DST: variants seen among roughly 807,000 people sequenced by gnomAD.
The protein encoded by DST is dystonin, also known as bullous pemphigoid antigen.
DST carries 253 observed loss-of-function variants against 875.2 expected under a neutral mutation model. The observed-to-expected ratio is 0.29, with a 90% CI of 0.26 to 0.32. The LOEUF is 0.32. Among genes scored for constraint, DST ranks in the 10% least tolerant of loss-of-function variants. The pLI is 1.00. For synonymous variants in DST, 3,124 were observed against 3,197.1 expected, an observed-to-expected ratio of 0.98 and a Z score of 0.77; for missense variants, 8,287 against 9,111.6, an observed-to-expected ratio of 0.91 and a Z score of 3.68.
rs1381176409 is a variant in DST at position 56,632,912 on chromosome 6, T to C, written c.3747A>G (p.Glu1249=). The change falls in exon 28 of 104, where the codon GAA becomes GAG. Residue 1249 remains glutamate (E), a synonymous_variant. Coordinates refer to ENST00000680361, the MANE Select transcript of DST (RefSeq NM_001374736.1). ...VFSGSDITQL[E]KEVNVCKQYY... Reference sequence around the variant, plus strand: ...ACTGCTTACATACATTAACCTCCTTTTCCAGTTGTGTTATATCTGAGCCTG... The same window carrying C: ...ACTGCTTACATACATTAACCTCCTTCTCCAGTTGTGTTATATCTGAGCCTG... 3 of 1,613,906 alleles carry C rather than the reference T, an allele frequency of 1.9e-6. No homozygotes were observed. Among genetic ancestry groups the C allele is most frequent in the Non-Finnish European group, 1.7e-6 (2 of 1,179,980 alleles).
chr6:56,636,552 C>A lies in DST; in HGVS notation c.3060+5G>T. 1 of 1,611,100 alleles carries A rather than the reference C, an allele frequency of 6.2e-7. No homozygotes were observed. The highest frequency in any genetic ancestry group is 2.2e-5 in the East Asian group (1 of 44,866). ...TCTATTGAAGTTATGATTCTACTCACATACCTCGAAATACGCTGTGTTCTC... is the reference window on the plus strand; with the variant it reads ...TCTATTGAAGTTATGATTCTACTCAAATACCTCGAAATACGCTGTGTTCTC... On this transcript the variant is annotated splice_donor_5th_base_variant and intron_variant, in intron 23 of 103. Transcript: ENST00000680361.
intron 4 of DST, among the ~76,000 whole-genome samples, chr6:56,738,310 G>A (rs2152933383): frequency 6.6e-6 from 1 of 152,246 alleles, no homozygotes; most frequent in African/African-American, 2.4e-5. Flanking sequence ...GAATATAAAT[G>A]CTCAGAATTT....
chr6:56,516,199 G>C (rs1294712518), intron 71 of DST, among the ~76,000 whole-genome samples: 2 of 151,586 alleles, frequency 1.3e-5, no homozygotes, highest in African/African-American at 2.4e-5. Flanking sequence ...GAAAGAGAAG[G>C]AGAAAGAGAA....
intron 4 of DST, among the ~76,000 whole-genome samples, chr6:56,744,713 C>CA (rs2099567238): frequency 6.6e-6 from 1 of 152,076 alleles, no homozygotes; most frequent in South Asian, 2.1e-4. Context: ...AGCTCACACC[C>CA]AATCATCAGC....
At chr6:56,565,045 A>G (rs764244592) in intron 55 of DST, among the ~76,000 whole-genome samples, 1 of 151,332 alleles carries the variant, frequency 6.6e-6, no homozygotes, top group South Asian at 2.1e-4. Flanking sequence ...TGTCTCTGCC[A>G]GGTTTTGGTA....
In DST at chr6:56,614,455, A is replaced by C; in HGVS notation, c.4959T>G (p.His1653Gln). 1 of 1,607,752 alleles carries C rather than the reference A, an allele frequency of 6.2e-7. No individual in the cohort carries two copies. The highest frequency in any genetic ancestry group is 8.5e-7 in the Non-Finnish European group (1 of 1,177,354). Residue 1653 changes from histidine to glutamine, a missense_variant, in exon 37 of 104, where the codon CAT (histidine) becomes CAG (glutamine). Around this residue, in one of 10 missense-constraint regions of DST, gnomAD observed 3,138 missense variants for 3,116.6 expected, o/e 1.01. Transcript: ENST00000680361. ...TTTGCAATTCTTTGGCTTTTTCAAC[A>C]TGTTCTTTCTTTTCTTCTTCCAGTG... ...EKSLEEEKKEHVEKAKELQKW... is the reference protein window; with the variant it reads ...EKSLEEEKKEQVEKAKELQKW...
chr6:56,458,036 T>C lies in DST; in HGVS notation c.*969A>G, dbSNP rs1336119840. The C allele has an allele frequency of 6.6e-6, 1 of 152,528 alleles. No homozygotes were observed. The highest frequency in any genetic ancestry group is 6.5e-5 in the Admixed American group (1 of 15,274). 9.4% of individuals were successfully genotyped at this position (152,528 alleles called of 1,614,324 possible). ...TTTATTAAATGCATACTAATATCTT[T>C]CTATAGTATGTGAGTACACATAATA... On this transcript the variant is annotated 3_prime_UTR_variant, in exon 104 of 104. Coordinates refer to ENST00000680361, the MANE Select transcript of DST (RefSeq NM_001374736.1).
At chr6:56,788,328 A>G (rs2099709439) in intron 4 of DST, among the ~76,000 whole-genome samples, 1 of 151,510 alleles carries the variant, frequency 6.6e-6, no homozygotes, top group Non-Finnish European at 1.5e-5. Flanking sequence ...TAGCCTCCCA[A>G]GTAGTTGGGA....
In DST at chr6:56,632,906, C is replaced by T; in HGVS notation, c.3753G>A (p.Glu1251=). Residue 1251 remains glutamate, a synonymous_variant, in exon 28 of 104, where the codon GAG becomes GAA. Transcript: ENST00000680361. ...SGSDITQLEK[E]VNVCKQYYQE... is the part of the protein sequence containing the mutation. ...GATAATACTGCTTACATACATTAAC[C>T]TCCTTTTCCAGTTGTGTTATATCTG... is the stretch of plus-strand genomic sequence containing the variant. 1.2e-6 allele frequency: 2 copies of T among 1,613,944 alleles called. No homozygotes were observed. The highest frequency in any genetic ancestry group is 1.7e-5 in the Admixed American group (1 of 60,028).
intron 3 of DST, among the ~76,000 whole-genome samples, chr6:56,880,515 CTG>C (rs1781587600): frequency 6.6e-6 from 1 of 151,968 alleles, no homozygotes; most frequent in Non-Finnish European, 1.5e-5. Flanking sequence ...TGGTAAAACC[CTG>C]TCTCTACTAA....
chr6:56,828,186 C>T lies in DST; in HGVS notation c.625+23211G>A, dbSNP rs1264724677. Among the ~76,000 whole-genome samples, 8 of 152,318 alleles carry T rather than the reference C, an allele frequency of 5.3e-5. No homozygotes were observed. The South Asian group carries it at 6.2e-4, about 12-fold the overall frequency. On this transcript the variant is annotated intron_variant, in intron 4 of 103. Coordinates refer to ENST00000680361, the MANE Select transcript of DST (RefSeq NM_001374736.1). ...GGTCAGTGGCCTAGATCTGCCTCCC[C>T]GGAGCCTGGATCTTATAGTTAACTA... is the stretch of plus-strand genomic sequence containing the variant.
In DST at chr6:56,533,344, G is replaced by C. The variant is rs573211842; in HGVS notation, c.16942-834C>G. Among the ~76,000 whole-genome samples, 4 of 152,350 alleles carry C rather than the reference G, an allele frequency of 2.6e-5. No individual in the cohort carries two copies. In the South Asian group the frequency reaches 8.3e-4, roughly 32 times the overall value. On this transcript the variant is annotated intron_variant, in intron 63 of 103. Transcript: ENST00000680361. ...CTGTGCTACCAGCAATGAGGAAGGC[G>C]TAAGTGTATGAAACACTATGCTTCA... is the stretch of plus-strand genomic sequence containing the variant.
At chr6:56,889,949 T>C (rs1786541032) in intron 3 of DST, among the ~76,000 whole-genome samples, 1 of 152,256 alleles carries the variant, frequency 6.6e-6, no homozygotes. Flanking sequence ...TAGGTTTTAA[T>C]TGATGTAATA....
At chr6:56,647,160 T>C (rs1168168556) in intron 13 of DST, among the ~76,000 whole-genome samples, 1 of 152,216 alleles carries the variant, frequency 6.6e-6, no homozygotes, top group African/African-American at 2.4e-5. Flanking sequence ...TATTTGAACA[T>C]GAAATCTGAA....
chr6:56,718,842 C>A (rs1238798346), intron 5 of DST, among the ~76,000 whole-genome samples: 1 of 152,074 alleles, frequency 6.6e-6, no homozygotes, highest in Admixed American at 6.5e-5. Flanking sequence ...TGTGAAATAT[C>A]CAGAAAAGAC....
Position 56,460,219 on chromosome 6 carries a change from T to C in DST, c.23106A>G (p.Pro7702=). ...TPIQGSKLRL[P]GYLSGKGFHS... ...GGAAGCCTTTCCCTGATAAATATCC[T>C]GGAAGTCGAAGCTTGCTTCCTTGTA... Residue 7702 remains proline (P), a synonymous_variant, in exon 103 of 104, where the codon CCA becomes CCG. Transcript: ENST00000680361. 1 of 1,614,010 alleles carries C rather than the reference T, an allele frequency of 6.2e-7. No individual in the cohort carries two copies. Among genetic ancestry groups the C allele is most frequent in the Middle Eastern group, 1.6e-4 (1 of 6,062 alleles).
intron 3 of DST, among the ~76,000 whole-genome samples, chr6:56,887,250 T>C (rs1785060188): frequency 6.6e-6 from 1 of 152,202 alleles, no homozygotes; most frequent in South Asian, 2.1e-4. Flanking sequence ...ATTCTTTGAT[T>C]CACAAAGACT....
intron 69 of DST, among the ~76,000 whole-genome samples, chr6:56,520,754 A>T (rs954053867): frequency 2.6e-5 from 4 of 151,994 alleles, no homozygotes; most frequent in African/African-American, 9.6e-5. Flanking sequence ...TTTAAAAGAA[A>T]GAAAACCAAC....
At chr6:56,925,636 C>T (rs1397393828) in intron 2 of DST, among the ~76,000 whole-genome samples, 4 of 152,120 alleles carry the variant, frequency 2.6e-5, no homozygotes, top group African/African-American at 4.8e-5. Flanking sequence ...CACAGCTTGC[C>T]GATTAGAATT....
Sources: gnomAD v4.1 joint callset for allele counts (sites outside exome capture counted in the v4.1 genomes callset) on GRCh38, gnomAD v4.1.1 for gene constraint, gnomAD v4.1.1 regional missense constraint, MANE v1.5 for transcripts, NCBI Gene and HGNC (gene_info 2026-07-23, HGNC 2026-07-21) for gene names.